The following CNTNAP5 variants were observed in gnomAD, a reference collection of about 807,000 sequenced individuals.
CNTNAP5 encodes contactin-associated protein-like 5.
Under a neutral mutation model 150.2 loss-of-function variants are expected in CNTNAP5, and 72 were observed. That is an observed-to-expected ratio of 0.48 (90% CI 0.40 to 0.58). The LOEUF is 0.58. CNTNAP5 is among the 20% of genes least tolerant of loss of function. CNTNAP5 has a pLI of 0.00. For missense variants in CNTNAP5, 1,636 were observed against 1,626.2 expected (o/e 1.01, Z -0.10); for synonymous variants, 672 against 619.8 (o/e 1.08, Z -1.25).
intron 12 of CNTNAP5, among the ~76,000 whole-genome samples, chr2:124,630,553 A>G (rs1203198376): frequency 6.6e-6 from 1 of 152,214 alleles, no homozygotes; most frequent in African/African-American, 2.4e-5. Flanking sequence ...TCAATAATCT[A>G]GGTATTGAAG....
At chr2:124,345,858 A>C (rs1204936261) in intron 3 of CNTNAP5, among the ~76,000 whole-genome samples, 2 of 152,144 alleles carry the variant, frequency 1.3e-5, no homozygotes, top group African/African-American at 4.8e-5. Context: ...CCAAAGCACC[A>C]ATCAGCTTGA....
At chr2:124,247,002 AG>A (rs1176264028) in intron 3 of CNTNAP5, among the ~76,000 whole-genome samples, 1 of 152,108 alleles carries the variant, frequency 6.6e-6, no homozygotes, top group Non-Finnish European at 1.5e-5. Flanking sequence ...CTTAACATGA[AG>A]GACTTGCATT....
rs190400628 is a variant in CNTNAP5 at position 124,177,225 on chromosome 2, T to G, written c.83-44480T>G. Among the ~76,000 whole-genome samples the G allele has an allele frequency of 1.9e-4, 29 of 152,164 alleles. No individual in the cohort carries two copies. In the East Asian group the frequency reaches 5.4e-3, roughly 28 times the overall value. On this transcript the variant is annotated intron_variant, in intron 1 of 23. Coordinates refer to ENST00000682447, the MANE Select transcript of CNTNAP5 (RefSeq NM_001367498.1). ...GAGTAATATTTTTAGGTTTTATGGT[T>G]GGCTTTGGGAAAAAGGGGTTTTAGC... is the stretch of plus-strand genomic sequence containing the variant.
intron 16 of CNTNAP5, among the ~76,000 whole-genome samples, chr2:124,769,035 T>C (rs924435459): frequency 1.3e-5 from 2 of 152,154 alleles, no homozygotes; most frequent in Non-Finnish European, 2.9e-5. Context: ...AATTATTTAT[T>C]CCATAAATCG....
chr2:124,709,020 T>C (rs974752456), intron 13 of CNTNAP5, among the ~76,000 whole-genome samples: 4 of 152,156 alleles, frequency 2.6e-5, no homozygotes, highest in African/African-American at 7.2e-5. Context: ...CCACAGAATA[T>C]GGAGCAGAGC....
intron 4 of CNTNAP5, among the ~76,000 whole-genome samples, chr2:124,423,652 CTTTTTTTTTTTTTTTTTT>C (rs1187961580): frequency 1.2e-4 from 5 of 41,586 alleles, no homozygotes; most frequent in African/African-American, 4.2e-4. Flanking sequence ...GGCTAATTAA[CTTTTTTTTTTTTTTTTTT>C]TTTTTTTTTT....
At chr2:124,386,803 G>C (rs575048379) in intron 3 of CNTNAP5, among the ~76,000 whole-genome samples, 1 of 149,440 alleles carries the variant, frequency 6.7e-6, no homozygotes, top group South Asian at 2.1e-4. Flanking sequence ...CTCTGCAATG[G>C]AGTGGATGTT....
At chr2:124,409,815 T>A (rs867199431) in intron 3 of CNTNAP5, among the ~76,000 whole-genome samples, 51 of 152,106 alleles carry the variant, frequency 3.4e-4, no homozygotes, top group African/African-American at 1.1e-3. Flanking sequence ...AGAAACTGCA[T>A]CAACTAACGA....
chr2:124,358,460 T>C (rs930233949), intron 3 of CNTNAP5, among the ~76,000 whole-genome samples: 9 of 152,220 alleles, frequency 5.9e-5, no homozygotes, highest in Non-Finnish European at 7.3e-5. Context: ...TAGCTCTTAT[T>C]ATTTTGTAAT....
chr2:124,025,883 C>T (rs1680873839), intron 1 of CNTNAP5, among the ~76,000 whole-genome samples, 151 bp downstream of exon 1: 1 of 152,192 alleles, frequency 6.6e-6, no homozygotes, highest in African/African-American at 2.4e-5. Flanking sequence ...TCACTCCAAC[C>T]ATCCCAAAAG....
At chr2:124,271,125 G>T (rs950223780) in intron 3 of CNTNAP5, among the ~76,000 whole-genome samples, 5 of 151,972 alleles carry the variant, frequency 3.3e-5, no homozygotes, top group African/African-American at 4.8e-5. Flanking sequence ...ATGTGAAAAA[G>T]GTTGGAAACC....
At chr2:124,375,100 T>G (rs12373815) in intron 3 of CNTNAP5, among the ~76,000 whole-genome samples, 34,880 of 151,954 alleles carry the variant, frequency 0.23, 4,216 homozygotes, top group Middle Eastern at 0.27. Flanking sequence ...ATGGGCAAGA[T>G]AGAAAATCAC....
chr2:124,103,785 G>A (rs1042302328), intron 1 of CNTNAP5, among the ~76,000 whole-genome samples: 1 of 148,958 alleles, frequency 6.7e-6, no homozygotes, highest in African/African-American at 2.5e-5. Context: ...AGGCATGACT[G>A]TATATTAAGT....
At chr2:124,521,425 AT>A (rs1694843619) in intron 8 of CNTNAP5, among the ~76,000 whole-genome samples, 1 of 152,192 alleles carries the variant, frequency 6.6e-6, no homozygotes, top group Non-Finnish European at 1.5e-5. Context: ...GCAAACCCTC[AT>A]TATGTGAAAA....
At chr2:124,805,105 C>A (rs1312311642) in intron 19 of CNTNAP5, among the ~76,000 whole-genome samples, 1 of 152,058 alleles carries the variant, frequency 6.6e-6, no homozygotes, top group Non-Finnish European at 1.5e-5. Context: ...AGAGGCAGAA[C>A]ACTTGGGCCT....
chr2:124,323,009 A>C, intron 3 of CNTNAP5, among the ~76,000 whole-genome samples: 1 of 152,216 alleles, frequency 6.6e-6, no homozygotes, highest in Non-Finnish European at 1.5e-5. Flanking sequence ...TGGCTTATAA[A>C]CAAAAAACAT....
chr2:124,491,883 C>T (rs1003194761), intron 7 of CNTNAP5, among the ~76,000 whole-genome samples: 1 of 152,004 alleles, frequency 6.6e-6, no homozygotes, highest in African/African-American at 2.4e-5. Context: ...ACCTGTTGGC[C>T]ACTTCAATGT....
chr2:124,474,661 A>G, intron 6 of CNTNAP5, 78 bp from the exon 7 acceptor site: 2 of 1,289,694 alleles, frequency 1.6e-6, no homozygotes, highest in Non-Finnish European at 2.1e-6. Context: ...AATCTACCAA[A>G]AACGCACGTG....
intron 4 of CNTNAP5, among the ~76,000 whole-genome samples, chr2:124,424,132 A>T (rs1321928346): frequency 6.6e-6 from 1 of 152,114 alleles, no homozygotes; most frequent in Admixed American, 6.5e-5. Flanking sequence ...TATCATCCAA[A>T]ATTCATCACT....
Sources: allele counts gnomAD v4.1 joint callset (sites outside exome capture counted in the v4.1 genomes callset), GRCh38; gene constraint gnomAD v4.1.1; transcripts MANE v1.5; gene names NCBI Gene and HGNC (gene_info 2026-07-23, HGNC 2026-07-21).